Variants in NTRK3 observed in about 807,000 individuals in gnomAD.
The protein encoded by NTRK3 is NT-3 growth factor receptor.
Under a neutral mutation model 91.7 loss-of-function variants are expected in NTRK3, and 24 were observed. The observed-to-expected ratio is 0.26, with a 90% CI of 0.19 to 0.37. The LOEUF (loss-of-function observed/expected upper bound fraction) is 0.37, where lower values mean the gene tolerates loss of function less well. NTRK3 is among the 10% of genes least tolerant of loss of function. NTRK3 has a pLI of 1.00. For synonymous variants in NTRK3, 483 were observed against 404.0 expected, an observed-to-expected ratio of 1.20 and a Z score of -2.34; for missense variants, 880 against 1,068.9, an observed-to-expected ratio of 0.82 and a Z score of 2.46.
At position 87,929,599 on chromosome 15, in the gene NTRK3, A is replaced by G. The variant is rs1596294243; in HGVS notation, c.1890-165T>C. On this transcript the variant is annotated intron_variant, in intron 16 of 18. Transcript: ENST00000394480. Reference sequence around the variant, plus strand: ...TTATCTGCCCCAAATTAGATTATGTACGTGTGGGTAAGGGTGAAACTCCAC... The same window carrying G: ...TTATCTGCCCCAAATTAGATTATGTGCGTGTGGGTAAGGGTGAAACTCCAC... 2.0e-5 allele frequency among the ~76,000 whole-genome samples: 3 copies of G among 152,206 alleles called. No individual in the cohort carries two copies. In the East Asian group the frequency reaches 5.8e-4, roughly 29 times the overall value.
intron 5 of NTRK3, among the ~76,000 whole-genome samples, chr15:88,172,358 G>C (rs182476810): frequency 6.6e-6 from 1 of 152,310 alleles, no homozygotes; most frequent in East Asian, 1.9e-4. Flanking sequence ...GGAGAAAAGA[G>C]ATGTGAACAA....
At chr15:88,201,520 C>T (rs1025786152) in intron 3 of NTRK3, among the ~76,000 whole-genome samples, 12 of 152,194 alleles carry the variant, frequency 7.9e-5, no homozygotes, top group Admixed American at 1.3e-4. Context: ...TCTCAAGGAA[C>T]CTGTGTGACA....
Position 88,128,664 on chromosome 15 carries a change from A to G in NTRK3, c.1228+47T>C, listed in dbSNP as rs200184287. ...CTATTTGAATTCAATAGTTACCGAT[A>G]GTATCAGAATAAATCAGTTTCAAAG... On this transcript the variant is annotated intron_variant, in intron 11 of 18. Transcript: ENST00000394480. The G allele has an allele frequency of 3.1e-6, 5 of 1,593,676 alleles. No individual in the cohort carries two copies. In the East Asian group the frequency reaches 1.1e-4, roughly 36 times the overall value.
exon 19 of NTRK3, chr15:87,868,231 A>G (rs2064740617): frequency 4.4e-6 from 1 of 229,880 alleles, no homozygotes; most frequent in East Asian, 6.2e-5. Flanking sequence ...ACGTGAATGT[A>G]GTTTGCACTA....
rs1218611019 is a variant in NTRK3 at position 87,979,084 on chromosome 15, C to G, written c.1586-38331G>C. 6.9e-6 allele frequency: 4 copies of G among 575,576 alleles called. No individual in the cohort carries two copies. In the Admixed American group the frequency reaches 1.2e-4, roughly 18 times the overall value. 35.7% of individuals were successfully genotyped at this position (575,576 alleles called of 1,614,324 possible). The stretch of plus-strand genomic sequence containing the variant: ...AGGTTTTTAATTCTCTTTATTGGCT[C>G]TAAAGATAGTGGCAGGAGCTGCCTC... On this transcript the variant is annotated intron_variant, in intron 14 of 18. Transcript: ENST00000394480.
At chr15:87,946,636 C>T (rs1029373778) in intron 14 of NTRK3, among the ~76,000 whole-genome samples, 1 of 152,100 alleles carries the variant, frequency 6.6e-6, no homozygotes, top group African/African-American at 2.4e-5. Context: ...TCCTGCCCTC[C>T]CCTCTTCCCT....
At chr15:88,077,360 T>C (rs544567740) in intron 13 of NTRK3, among the ~76,000 whole-genome samples, 1 of 152,132 alleles carries the variant, frequency 6.6e-6, no homozygotes, top group Non-Finnish European at 1.5e-5. Context: ...CTGCCTGGAA[T>C]GCCATTTCTT....
At chr15:87,945,685 G>T (rs184611199) in intron 14 of NTRK3, among the ~76,000 whole-genome samples, 20 of 150,730 alleles carry the variant, frequency 1.3e-4, no homozygotes, top group Admixed American at 1.3e-3. Flanking sequence ...TCACCTCCCT[G>T]TTCTGGGAGA....
chr15:88,128,200 C>T (rs551930795), intron 11 of NTRK3, among the ~76,000 whole-genome samples: 1 of 152,258 alleles, frequency 6.6e-6, no homozygotes, highest in African/African-American at 2.4e-5. Flanking sequence ...TAGCCCTAGC[C>T]CCAAATCACT....
chr15:88,096,271 G>C (rs560047190), intron 13 of NTRK3, among the ~76,000 whole-genome samples: 1 of 152,236 alleles, frequency 6.6e-6, no homozygotes, highest in African/African-American at 2.4e-5. Flanking sequence ...ATTACATCCA[G>C]AGAGCCCCCA....
At chr15:88,109,739 T>C (rs960249854) in intron 13 of NTRK3, among the ~76,000 whole-genome samples, 4 of 152,112 alleles carry the variant, frequency 2.6e-5, no homozygotes, top group African/African-American at 9.7e-5. Flanking sequence ...GCCCATCCAC[T>C]GAGATTCTGA....
At chr15:88,094,748 A>G (rs930038123) in intron 13 of NTRK3, among the ~76,000 whole-genome samples, 2 of 152,234 alleles carry the variant, frequency 1.3e-5, no homozygotes, top group Middle Eastern at 3.2e-3. Context: ...GCAAGGCCCC[A>G]GTGCCCTGCA....
chr15:88,129,493 G>A (rs923326419), intron 10 of NTRK3, among the ~76,000 whole-genome samples: 4 of 152,140 alleles, frequency 2.6e-5, no homozygotes, highest in South Asian at 2.1e-4. Context: ...TCAAATCTCC[G>A]TCCAGGCTCT....
intron 14 of NTRK3, among the ~76,000 whole-genome samples, chr15:87,982,643 G>C (rs1201201173): frequency 6.6e-6 from 1 of 152,182 alleles, no homozygotes; most frequent in African/African-American, 2.4e-5. Context: ...ATGGAGCTTA[G>C]GGGAGAAGGG....
At chr15:88,095,315 A>G (rs1405956000) in intron 13 of NTRK3, among the ~76,000 whole-genome samples, 1 of 152,246 alleles carries the variant, frequency 6.6e-6, no homozygotes, top group Admixed American at 6.5e-5. Flanking sequence ...ACCAAGAGAT[A>G]TATCTGACCA....
intron 17 of NTRK3, among the ~76,000 whole-genome samples, chr15:87,909,152 C>T (rs536503544): frequency 1.3e-5 from 2 of 152,232 alleles, no homozygotes; most frequent in South Asian, 4.1e-4. Flanking sequence ...CTGAATGTCA[C>T]CACCATGGAG....
chr15:87,862,740 C>G (rs1262307469), exon 19 of NTRK3: 1 of 229,398 alleles, frequency 4.4e-6, no homozygotes, highest in Non-Finnish European at 8.6e-6. Flanking sequence ...CTGAAGAATG[C>G]CACAAGGAGT....
chr15:88,101,221 C>G (rs1004543311), intron 13 of NTRK3, among the ~76,000 whole-genome samples: 6 of 152,190 alleles, frequency 3.9e-5, no homozygotes, highest in Admixed American at 6.5e-5. Flanking sequence ...TGAATAGACA[C>G]TTCTCAAAAG....
intron 13 of NTRK3, among the ~76,000 whole-genome samples, chr15:88,111,256 C>G (rs1261120606): frequency 1.3e-5 from 2 of 152,162 alleles, no homozygotes; most frequent in African/African-American, 4.8e-5. Flanking sequence ...GTCACGACCT[C>G]AGGTGCAATA....
Sources: gnomAD v4.1 joint callset for allele counts (sites outside exome capture counted in the v4.1 genomes callset) on GRCh38, gnomAD v4.1.1 for gene constraint, MANE v1.5 for transcripts, NCBI Gene and HGNC (gene_info 2026-07-23, HGNC 2026-07-21) for gene names.